Variants in GABPB1 observed in about 807,000 individuals in gnomAD.
The protein encoded by GABPB1 is GA-binding protein subunit beta-1.
GABPB1 carries 15 observed loss-of-function variants against 45.9 expected under a neutral mutation model. That is an observed-to-expected ratio of 0.33 (90% CI 0.22 to 0.50). The LOEUF is 0.50. Among genes scored for constraint, GABPB1 ranks in the 20% least tolerant of loss-of-function variants. The probability of loss-of-function intolerance (pLI) is 0.98; values close to 1 mark genes in which losing one functional copy is unlikely to be tolerated. For synonymous variants in GABPB1, 143 were observed against 154.4 expected (o/e 0.93, Z 0.55); for missense variants, 252 against 457.5 (o/e 0.55, Z 4.10).
chr15:50,349,318 T>A (rs1191342981), intron 1 of GABPB1: 1 of 152,238 alleles, frequency 6.6e-6, no homozygotes, highest in Non-Finnish European at 1.5e-5. Context: ...AGAGTTTGAA[T>A]GGTGGACTGT....
At chr15:50,317,964 AAT>A (rs1270142914) in intron 1 of GABPB1, among the ~76,000 whole-genome samples, 6 of 151,994 alleles carry the variant, frequency 3.9e-5, no homozygotes, top group Non-Finnish European at 8.8e-5. Flanking sequence ...AAGTATGTAA[AAT>A]ATGACTCCAA....
In GABPB1 at chr15:50,315,534, C is replaced by T. The variant is rs75281253; in HGVS notation, c.1-5736G>A. Among the ~76,000 whole-genome samples the T allele has an allele frequency of 4.1e-3, 621 of 152,298 alleles. 3 individuals are homozygous for T. Among genetic ancestry groups the T allele is most frequent in the African/African-American group, 0.014 (582 of 41,564 alleles). Reference sequence around the variant, plus strand: ...AGATTGAAATCAATGGAAGAAAATACACATGAGATCAAGCAAGACAAAAAT... The same window carrying T: ...AGATTGAAATCAATGGAAGAAAATATACATGAGATCAAGCAAGACAAAAAT... On this transcript the variant is annotated intron_variant, in intron 1 of 8. Transcript: ENST00000380877.
chr15:50,349,808 T>C (rs2048754629), intron 1 of GABPB1: 1 of 152,246 alleles, frequency 6.6e-6, no homozygotes, highest in African/African-American at 2.4e-5. Context: ...AAGTTACATC[T>C]TAATATCTTA....
intron 2 of GABPB1, among the ~76,000 whole-genome samples, chr15:50,307,626 C>T (rs570967355): frequency 4.0e-5 from 6 of 150,560 alleles, no homozygotes; most frequent in East Asian, 1.9e-4. Context: ...CACTTGAACC[C>T]GGCAGGCGGA....
intron 5 of GABPB1, 151 bp from the exon 6 acceptor site, chr15:50,301,053 C>G (rs1385921783): frequency 4.8e-6 from 4 of 840,634 alleles, no homozygotes; most frequent in Non-Finnish European, 7.4e-6. Flanking sequence ...GTAATATCAC[C>G]TTTCTTCAGA....
intron 6 of GABPB1, among the ~76,000 whole-genome samples, chr15:50,296,228 G>A (rs1208749428): frequency 6.6e-6 from 1 of 152,122 alleles, no homozygotes; most frequent in Non-Finnish European, 1.5e-5. Flanking sequence ...GTACCACTTA[G>A]CTAGTAAAAG....
chr15:50,340,202 G>T (rs1229959821), intron 1 of GABPB1, among the ~76,000 whole-genome samples: 4 of 152,144 alleles, frequency 2.6e-5, no homozygotes, highest in Admixed American at 1.3e-4. Flanking sequence ...ACCAGCCATG[G>T]AATCTGCCAC....
At chr15:50,309,883 A>G (rs765631747) in intron 1 of GABPB1, 85 bp from the exon 2 acceptor site, 5 of 799,688 alleles carry the variant, frequency 6.3e-6, no homozygotes, top group Non-Finnish European at 1.1e-5. Flanking sequence ...CTTTATTAAT[A>G]AGTCAGTTCT....
intron 2 of GABPB1, among the ~76,000 whole-genome samples, chr15:50,306,818 T>C (rs946006121): frequency 6.6e-6 from 1 of 152,012 alleles, no homozygotes; most frequent in Non-Finnish European, 1.5e-5. Context: ...ATACTGCATG[T>C]ATTTCTCTGT....
At chr15:50,307,700 T>TC (rs1275191788) in intron 2 of GABPB1, among the ~76,000 whole-genome samples, 3 of 79,924 alleles carry the variant, frequency 3.8e-5, no homozygotes, top group Non-Finnish European at 8.3e-5. Context: ...AGACTCCATC[T>TC]CAAAAAAAAA....
At chr15:50,322,041 A>G (rs2047591121) in intron 1 of GABPB1, among the ~76,000 whole-genome samples, 1 of 152,254 alleles carries the variant, frequency 6.6e-6, no homozygotes, top group African/African-American at 2.4e-5. Context: ...AAAAATTGTG[A>G]ACATAATAAA....
At chr15:50,333,662 T>G (rs1314453677) in intron 1 of GABPB1, among the ~76,000 whole-genome samples, 1 of 152,172 alleles carries the variant, frequency 6.6e-6, no homozygotes, top group Non-Finnish European at 1.5e-5. Flanking sequence ...GGGCATAAAA[T>G]TCTAGATTGA....
chr15:50,314,854 G>A (rs764762808), intron 1 of GABPB1, among the ~76,000 whole-genome samples: 1 of 152,178 alleles, frequency 6.6e-6, no homozygotes, highest in Non-Finnish European at 1.5e-5. Flanking sequence ...TTTACTAAGA[G>A]TTGTTTACCA....
intron 1 of GABPB1, chr15:50,349,392 A>G (rs201284196): frequency 2.0e-5 from 3 of 152,184 alleles, no homozygotes; most frequent in East Asian, 3.8e-4. Context: ...TGTTCTGTTC[A>G]CTTTATATGA....
chr15:50,289,506 A>G lies in GABPB1; in HGVS notation c.860T>C (p.Val287Ala). The change falls in exon 7 of 9, where the codon GTG (valine) becomes GCG (alanine). Residue 287 changes from valine (V) to alanine (A), a missense_variant. Val to Ala is a moderately conservative substitution (Grantham distance 64). Transcript: ENST00000380877. Reference protein sequence around the residue: ...PTSGIGQPIIVTMPDGQQVLT... With the variant: ...PTSGIGQPIIATMPDGQQVLT... Reference sequence around the variant, plus strand: ...ACCTTGTTGTCCATCTGGCATGGTCACAATGATGGGCTGACCAATTCCACT... The same window carrying G: ...ACCTTGTTGTCCATCTGGCATGGTCGCAATGATGGGCTGACCAATTCCACT... 1 of 1,611,884 alleles carries G rather than the reference A, an allele frequency of 6.2e-7. No homozygotes were observed. Among genetic ancestry groups the G allele is most frequent in the Non-Finnish European group, 8.5e-7 (1 of 1,178,894 alleles).
rs2046282393 is a variant in GABPB1 at position 50,289,650 on chromosome 15, ACTT to A, written c.713_715del (p.Glu238del). 2 of 1,608,946 alleles carry A rather than the reference ACTT, an allele frequency of 1.2e-6. No homozygotes were observed. The highest frequency in any genetic ancestry group is 1.7e-5 in the Admixed American group (1 of 59,394). On this transcript the variant is annotated inframe_deletion, in exon 7 of 9. Transcript: ENST00000380877. ...ACCATCCACAGATTCTGCAGTAACT[ACTT>A]CTTCTGTGGCCACTACTGGAAAAAA...
chr15:50,304,931 T>G (rs572343373), intron 2 of GABPB1, among the ~76,000 whole-genome samples: 1 of 152,288 alleles, frequency 6.6e-6, no homozygotes, highest in African/African-American at 2.4e-5. Context: ...CAGTGATCTT[T>G]TTAAAGGGAT....
chr15:50,312,939 T>C (rs549776164), intron 1 of GABPB1, among the ~76,000 whole-genome samples: 12 of 152,286 alleles, frequency 7.9e-5, no homozygotes, highest in South Asian at 2.1e-4. Context: ...ACAAGTATTA[T>C]AAATATCTCT....
At chr15:50,332,521 A>T (rs2047981973) in intron 1 of GABPB1, among the ~76,000 whole-genome samples, 1 of 152,182 alleles carries the variant, frequency 6.6e-6, no homozygotes, top group African/African-American at 2.4e-5. Flanking sequence ...CTAAGAAATT[A>T]TTGATTTTTT....
Sources: gnomAD v4.1 joint callset for allele counts (sites outside exome capture counted in the v4.1 genomes callset) on GRCh38, gnomAD v4.1.1 for gene constraint, MANE v1.5 for transcripts, NCBI Gene and HGNC (gene_info 2026-07-23, HGNC 2026-07-21) for gene names.